CACNA1H: variants seen among roughly 807,000 people sequenced by gnomAD.
The protein encoded by CACNA1H is voltage-dependent T-type calcium channel subunit alpha-1H.
CACNA1H carries 149 observed loss-of-function variants against 192.5 expected under a neutral mutation model. The ratio of observed to expected loss-of-function variants is 0.77; its 90% CI spans 0.68 to 0.89. The LOEUF is 0.89. CACNA1H is among the 40% of genes least tolerant of loss of function. The probability of loss-of-function intolerance (pLI) is 0.00; values close to 1 mark genes in which losing one functional copy is unlikely to be tolerated. For synonymous variants in CACNA1H, 2,202 were observed against 1,475.2 expected (o/e 1.49, Z -11.29); for missense variants, 4,257 against 3,423.5 (o/e 1.24, Z -6.08).
In CACNA1H at chr16:1,209,175, C is replaced by T. The variant is rs200522574; in HGVS notation, c.3507C>T (p.Gly1169=). 6.2e-5 allele frequency: 97 copies of T among 1,552,970 alleles called. No individual in the cohort carries two copies. Among genetic ancestry groups the T allele is most frequent in the African/African-American group, 8.2e-5 (6 of 73,274 alleles). ...GGGAACGTGAGTCCCTGCTGTCTGG[C>T]GAGGGCAAGGGCAGCACCGACGACG... The part of the protein sequence containing the change: ...QCGERESLLS[G]EGKGSTDDEA... The change falls in exon 17 of 35, where the codon GGC becomes GGT. Residue 1169 remains glycine (G), a synonymous_variant. Coordinates refer to ENST00000348261, the MANE Select transcript of CACNA1H (RefSeq NM_021098.3).
chr16:1,154,873 C>T (rs1024675888), intron 2 of CACNA1H, among the ~76,000 whole-genome samples: 1 of 152,130 alleles, frequency 6.6e-6, no homozygotes, highest in Non-Finnish European at 1.5e-5. Context: ...GGGGGCGGGT[C>T]TCCGCGTGCC....
chr16:1,207,504 G>A (rs981302395), intron 14 of CACNA1H, 74 bp downstream of exon 14: 4 of 1,487,166 alleles, frequency 2.7e-6, no homozygotes, highest in South Asian at 2.4e-5. Flanking sequence ...CGAGGGGAGG[G>A]GTGTGGGGGG....
At position 1,210,455 on chromosome 16, in the gene CACNA1H, A is replaced by G. The variant is rs754671059; in HGVS notation, c.3931A>G (p.Ile1311Val). 19 of 1,610,738 alleles carry G rather than the reference A, an allele frequency of 1.2e-5. No individual in the cohort carries two copies. Among genetic ancestry groups the G allele is most frequent in the Admixed American group, 1.2e-4 (7 of 59,682 alleles). ...CTTCATCTTCCTCAACTGCGTCACC[A>G]TCGCCCTGGAGAGGCCTGACATTGA... The part of the protein sequence containing the change: ...LVFIFLNCVT[I>V]ALERPDIDPG... Residue 1311 changes from isoleucine (I) to valine (V), a missense_variant, in exon 19 of 35, where the codon ATC becomes GTC. Coordinates refer to ENST00000348261, the MANE Select transcript of CACNA1H (RefSeq NM_021098.3).
intron 5 of CACNA1H, 80 bp from the exon 6 acceptor site, chr16:1,198,535 G>A (rs1967275048): frequency 4.6e-6 from 7 of 1,510,460 alleles, no homozygotes; most frequent in Non-Finnish European, 6.4e-6. Context: ...GACGGGGCTC[G>A]GGGGTCCCGG....
chr16:1,177,138 G>A (rs1268100065), intron 2 of CACNA1H, among the ~76,000 whole-genome samples: 1 of 152,152 alleles, frequency 6.6e-6, no homozygotes, highest in Non-Finnish European at 1.5e-5. Context: ...GGCCCTTTTT[G>A]TCATTCCACT....
At chr16:1,176,015 A>G (rs1363500585) in intron 2 of CACNA1H, among the ~76,000 whole-genome samples, 2 of 151,940 alleles carry the variant, frequency 1.3e-5, no homozygotes, top group South Asian at 2.1e-4. Flanking sequence ...CTGGGTCCCA[A>G]CCCCGTTCGT....
In CACNA1H at chr16:1,212,498, C is replaced by T. The variant is rs1400872019; in HGVS notation, c.4760-13C>T. On this transcript the variant is annotated splice_polypyrimidine_tract_variant and intron_variant, in intron 25 of 34. Coordinates refer to ENST00000348261, the MANE Select transcript of CACNA1H (RefSeq NM_021098.3). ...ACGCCCTCGGCCCTCAGACCATCTC[C>T]TTGTCTTTCCAGGCACTTTCCCCAG... is the stretch of plus-strand genomic sequence containing the variant. The T allele has an allele frequency of 2.5e-6, 4 of 1,610,632 alleles. No individual in the cohort carries two copies. Among genetic ancestry groups the T allele is most frequent in the Non-Finnish European group, 2.5e-6 (3 of 1,178,994 alleles).
Position 1,215,097 on chromosome 16 carries a change from C to T in CACNA1H, c.5039+16C>T, listed in dbSNP as rs58019636. 19 of 1,603,410 alleles carry T rather than the reference C, an allele frequency of 1.2e-5. No homozygotes were observed. Among genetic ancestry groups the T allele is most frequent in the Non-Finnish European group, 1.6e-5 (19 of 1,174,028 alleles). The stretch of plus-strand genomic sequence containing the variant: ...TCAAGGACAGGTGTGTGTGGTGGGG[C>T]CGTCTTGGGTTCTGGGGGCCCCTCA... On this transcript the variant is annotated intron_variant, in intron 28 of 34. Coordinates refer to ENST00000348261, the MANE Select transcript of CACNA1H (RefSeq NM_021098.3).
intron 2 of CACNA1H, among the ~76,000 whole-genome samples, chr16:1,165,149 G>A (rs1963629513): frequency 6.6e-6 from 1 of 152,116 alleles, no homozygotes; most frequent in Non-Finnish European, 1.5e-5. Flanking sequence ...GGGTGGGGGT[G>A]CGGCAGGCAC....
Position 1,215,248 on chromosome 16 carries a change from C to G in CACNA1H, c.5046C>G (p.Asn1682Lys). The G allele has an allele frequency of 6.2e-7, 1 of 1,602,770 alleles. No homozygotes were observed. The highest frequency in any genetic ancestry group is 1.7e-4 in the Middle Eastern group (1 of 5,960). ...TGAGCCTCCGGCCACACAGGTGGAACCAGCTGGACCTGGCCATCGTGCTGC... is the reference window on the plus strand; with the variant it reads ...TGAGCCTCCGGCCACACAGGTGGAAGCAGCTGGACCTGGCCATCGTGCTGC... ...GFRRFFKDRWNQLDLAIVLLS... is the reference protein window; with the variant it reads ...GFRRFFKDRWKQLDLAIVLLS... Residue 1682 changes from asparagine to lysine, a missense_variant, in exon 29 of 35, where the codon AAC becomes AAG. Coordinates refer to ENST00000348261, the MANE Select transcript of CACNA1H (RefSeq NM_021098.3).
At chr16:1,173,191 G>A (rs546989559) in intron 2 of CACNA1H, among the ~76,000 whole-genome samples, 5 of 152,310 alleles carry the variant, frequency 3.3e-5, no homozygotes, top group East Asian at 1.9e-4. Context: ...CCAAAAGGCC[G>A]AGGCTGGAAG....
chr16:1,200,112 C>T (rs1007888548), intron 6 of CACNA1H, 144 bp from the exon 7 acceptor site: 5 of 667,642 alleles, frequency 7.5e-6, no homozygotes, highest in South Asian at 2.0e-5. Context: ...CCTAACCGTG[C>T]CTCCCTAACC....
Position 1,209,401 on chromosome 16 carries a change from G to A in CACNA1H, c.3733G>A (p.Asp1245Asn), listed in dbSNP as rs764672199. The change falls in exon 17 of 35, where the codon GAC (aspartate) becomes AAC (asparagine). Residue 1245 changes from aspartate (D) to asparagine (N), a missense_variant. Coordinates refer to ENST00000348261, the MANE Select transcript of CACNA1H (RefSeq NM_021098.3). ...TGAGGATGCAGCCGAGCTTGACGAC[G>A]ACTCGGAGGACGTGAGTGCGTGGCC... The part of the protein sequence containing the change: ...HREDAAELDD[D>N]SEDSCCLRLH... 16 of 1,597,584 alleles carry A rather than the reference G, an allele frequency of 1.0e-5. No homozygotes were observed. Among genetic ancestry groups the A allele is most frequent in the African/African-American group, 2.7e-5 (2 of 74,976 alleles).
chr16:1,179,773 C>T (rs1471809026), intron 2 of CACNA1H, among the ~76,000 whole-genome samples: 3 of 117,634 alleles, frequency 2.6e-5, no homozygotes, highest in African/African-American at 3.3e-5. Context: ...CTTGCTCTGT[C>T]GCCCAGGTTG....
rs146177302 is a variant in CACNA1H, at chr16:1,181,943, C to T, written c.300-13029C>T. Among the ~76,000 whole-genome samples, 774 of 152,190 alleles carry T rather than the reference C, an allele frequency of 5.1e-3. 8 individuals are homozygous for T. Among genetic ancestry groups the T allele is most frequent in the African/African-American group, 0.016 (675 of 41,494 alleles). On this transcript the variant is annotated intron_variant, in intron 2 of 34. Coordinates refer to ENST00000348261, the MANE Select transcript of CACNA1H (RefSeq NM_021098.3). ...CACATGCATGTCCCCTTTGCACACA[C>T]GCCCCCTCGCACACGCATGCCCCCT...
intron 2 of CACNA1H, among the ~76,000 whole-genome samples, chr16:1,154,565 C>T (rs1245530884): frequency 1.3e-5 from 2 of 152,154 alleles, no homozygotes; most frequent in Admixed American, 6.5e-5. Context: ...GGGCCTTTTC[C>T]GTGGAGAGAG....
In CACNA1H at chr16:1,211,421, A is replaced by C. The variant is rs72552041; in HGVS notation, c.4351-60A>C. On this transcript the variant is annotated intron_variant, in intron 22 of 34. Transcript: ENST00000348261. Reference sequence around the variant, plus strand: ...CTCGGGCCTCACTCGCGCCCCAGGAAGTCCGGTGTGGGGTGGGGCACAGGC... The same window carrying C: ...CTCGGGCCTCACTCGCGCCCCAGGACGTCCGGTGTGGGGTGGGGCACAGGC... 3.8e-4 allele frequency: 611 copies of C among 1,609,224 alleles called. 6 individuals carry two copies. In the African/African-American group the frequency reaches 7.6e-3, roughly 20 times the overall value.
At position 1,207,525 on chromosome 16, in the gene CACNA1H, G is replaced by C. The variant is rs1176187539; in HGVS notation, c.3063+95G>C. 3 of 1,345,448 alleles carry C rather than the reference G, an allele frequency of 2.2e-6. No individual in the cohort carries two copies. In the East Asian group the frequency reaches 7.3e-5, roughly 33 times the overall value. The allele number at this position is 1,345,448 out of a possible 1,614,324, so 83.3% of individuals were successfully genotyped here. A position where few individuals can be genotyped will look rare whatever the true frequency, so the allele number is the denominator to read the frequency against. The stretch of plus-strand genomic sequence containing the variant: ...GAGGGGTGTGGGGGGCCTGCCAAGA[G>C]GTGAGGGATAGAGAAGGGAAGCTGG... On this transcript the variant is annotated intron_variant, in intron 14 of 34. Transcript: ENST00000348261.
intron 2 of CACNA1H, among the ~76,000 whole-genome samples, chr16:1,171,667 G>A (rs758824092): frequency 2.9e-4 from 44 of 152,100 alleles, no homozygotes; most frequent in Admixed American, 2.6e-3. Flanking sequence ...GGCTGCCTCC[G>A]TCCTTCCCGC....
Sources: gnomAD v4.1 joint callset for allele counts (sites outside exome capture counted in the v4.1 genomes callset) on GRCh38, gnomAD v4.1.1 for gene constraint, MANE v1.5 for transcripts, NCBI Gene and HGNC (gene_info 2026-07-23, HGNC 2026-07-21) for gene names.